Variants in NUFIP1 observed in about 807,000 individuals in gnomAD.
NUFIP1 encodes nuclear FMR1 interacting protein 1, also known as FMR1-interacting protein NUFIP1.
A neutral mutation model predicts 56.2 loss-of-function variants in NUFIP1; 38 were observed. The observed-to-expected ratio is 0.68, with a 90% CI of 0.52 to 0.89. The LOEUF (loss-of-function observed/expected upper bound fraction) is 0.89. NUFIP1 is among the 40% of genes least tolerant of loss of function. NUFIP1 has a pLI of 0.00. For missense variants in NUFIP1, 567 were observed against 605.8 expected (o/e 0.94, Z 0.67); for synonymous variants, 215 against 212.4 (o/e 1.01, Z -0.10).
At chr13:44,967,549 A>T (rs1332842778) in intron 5 of NUFIP1, among the ~76,000 whole-genome samples, 1 of 152,166 alleles carries the variant, frequency 6.6e-6, no homozygotes, top group East Asian at 1.9e-4. Flanking sequence ...GACAATGACA[A>T]GTAGTTAATA....
intron 5 of NUFIP1, among the ~76,000 whole-genome samples, chr13:44,977,475 G>A (rs1340018332): frequency 1.3e-5 from 2 of 152,154 alleles, no homozygotes; most frequent in African/African-American, 4.8e-5. Context: ...GTAATATACT[G>A]ATTTACATTC....
chr13:44,985,503 G>A (rs1273163018), intron 1 of NUFIP1, among the ~76,000 whole-genome samples: 2 of 152,146 alleles, frequency 1.3e-5, no homozygotes, highest in Non-Finnish European at 2.9e-5. Flanking sequence ...CATCAAGCAG[G>A]TCTATCAGCA....
At position 44,943,648 on chromosome 13, in the gene NUFIP1, C is replaced by A; in HGVS notation, c.1165G>T (p.Val389Phe). 1 of 1,613,306 alleles carries A rather than the reference C, an allele frequency of 6.2e-7. No individual in the cohort carries two copies. Residue 389 changes from valine (V) to phenylalanine (F), a missense_variant, in exon 9 of 10, where the codon GTT becomes TTT. Transcript: ENST00000379161. ...EETPIKTEAD[V>F]LAENQVLDSS... ...TCAAGAACCTGGTTTTCTGCCAAAACGTCTGCTTCAGTCTTGATGGGAGTT... is the reference window on the plus strand; with the variant it reads ...TCAAGAACCTGGTTTTCTGCCAAAAAGTCTGCTTCAGTCTTGATGGGAGTT...
rs750091519 is a variant in NUFIP1, at chr13:44,943,545, C to T, written c.1268G>A (p.Arg423Gln). 223 of 1,614,062 alleles carry T rather than the reference C, an allele frequency of 1.4e-4. No individual in the cohort carries two copies. The highest frequency in any genetic ancestry group is 1.8e-4 in the Non-Finnish European group (207 of 1,179,984). ...GTTTGTTTTTTCAAAGCTTTTCTTT[C>T]GGTTCTCACTCTTGGCTTCTGAAAA... ...RNFSEAKSEN[R>Q]KKSFEKTNPK... The change falls in exon 9 of 10, where the codon CGA becomes CAA. Residue 423 changes from arginine (R) to glutamine (Q), a missense_variant. Arg to Gln is a conservative substitution (Grantham distance 43). Coordinates refer to ENST00000379161, the MANE Select transcript of NUFIP1 (RefSeq NM_012345.3).
intron 8 of NUFIP1, 44 bp from the exon 9 acceptor site, chr13:44,943,718 C>CAA: frequency 1.3e-6 from 2 of 1,481,620 alleles, no homozygotes; most frequent in Non-Finnish European, 1.9e-6. Flanking sequence ...CAAAACAAAA[C>CAA]AAAACAGGTA....
intron 5 of NUFIP1, among the ~76,000 whole-genome samples, chr13:44,970,576 A>G (rs1871767146): frequency 1.3e-5 from 2 of 152,222 alleles, no homozygotes; most frequent in African/African-American, 2.4e-5. Flanking sequence ...TGCCACACCA[A>G]TGTGGAACTT....
chr13:44,960,593 A>G (rs1871391533), intron 6 of NUFIP1, among the ~76,000 whole-genome samples: 1 of 152,168 alleles, frequency 6.6e-6, no homozygotes, highest in Non-Finnish European at 1.5e-5. Context: ...AAGGAGTTAA[A>G]GTTTCTGAAG....
At chr13:44,976,344 AAGAAAGG>A (rs1185396554) in intron 5 of NUFIP1, among the ~76,000 whole-genome samples, 1 of 151,522 alleles carries the variant, frequency 6.6e-6, no homozygotes, top group Non-Finnish European at 1.5e-5. Flanking sequence ...GAAGGAGAAG[AAGAAAGG>A]AGAAAGGAGG....
At position 44,989,295 on chromosome 13, in the gene NUFIP1, G is replaced by A. The variant is rs776965585; in HGVS notation, c.142C>T (p.Pro48Ser). The change falls in exon 1 of 10, where the codon CCA (proline) becomes TCA (serine). Residue 48 changes from proline to serine, a missense_variant. By Grantham distance (74) the Pro-to-Ser change is moderately conservative. Transcript: ENST00000379161. The part of the protein sequence containing the change: ...MFWAMLPPPP[P>S]PLTSSLPAAG... Reference sequence around the variant, plus strand: ...GCGGGAAGCGAGGACGTAAGTGGTGGTGGCGGTGGCGGCAGCATTGCCCAG... The same window carrying A: ...GCGGGAAGCGAGGACGTAAGTGGTGATGGCGGTGGCGGCAGCATTGCCCAG... The A allele has an allele frequency of 1.9e-6, 3 of 1,613,456 alleles. No individual in the cohort carries two copies. The highest frequency in any genetic ancestry group is 1.1e-5 in the South Asian group (1 of 90,984).
intron 5 of NUFIP1, among the ~76,000 whole-genome samples, chr13:44,975,476 C>A (rs1345446309): frequency 1.3e-5 from 2 of 152,136 alleles, no homozygotes; most frequent in Admixed American, 1.3e-4. Flanking sequence ...TCTTCAACCT[C>A]ACAATCATTT....
chr13:44,970,255 T>C (rs537482589), intron 5 of NUFIP1, among the ~76,000 whole-genome samples: 5 of 152,160 alleles, frequency 3.3e-5, no homozygotes, highest in Non-Finnish European at 2.9e-5. Flanking sequence ...AGGCTATTAA[T>C]GGAAAGCCTT....
chr13:44,962,498 C>T (rs1445700162), intron 6 of NUFIP1, among the ~76,000 whole-genome samples: 1 of 152,156 alleles, frequency 6.6e-6, no homozygotes, highest in Non-Finnish European at 1.5e-5. Flanking sequence ...AATCATGCAC[C>T]ACATAATGAC....
rs1870672524 is a variant in NUFIP1, at chr13:44,939,912, TA to T, written c.*1293del. The T allele has an allele frequency of 6.6e-6, 1 of 152,156 alleles. No homozygotes were observed. The highest frequency in any genetic ancestry group is 6.5e-5 in the Admixed American group (1 of 15,282). The allele number at this position is 152,156 out of a possible 1,614,324, so 9.4% of individuals were successfully genotyped here. On this transcript the variant is annotated 3_prime_UTR_variant, in exon 10 of 10. Transcript: ENST00000379161. ...ATAAAATGTGTATGCTAACTAGTAA[TA>T]AAAGTACAAACTGTGTTATATTTTA...
intron 6 of NUFIP1, among the ~76,000 whole-genome samples, chr13:44,964,143 A>T (rs1871515385): frequency 6.6e-6 from 1 of 152,226 alleles, no homozygotes; most frequent in Admixed American, 6.5e-5. Flanking sequence ...CTAAAAGAAA[A>T]CATAAAGAAA....
chr13:44,969,684 C>T (rs1486902020), intron 5 of NUFIP1, among the ~76,000 whole-genome samples: 5 of 152,130 alleles, frequency 3.3e-5, no homozygotes. Flanking sequence ...TCCTCATTGC[C>T]TATACCTTAT....
At chr13:44,949,914 T>C in intron 7 of NUFIP1, 76 bp from the exon 8 acceptor site, 1 of 899,072 alleles carries the variant, frequency 1.1e-6, no homozygotes, top group East Asian at 2.4e-5. Flanking sequence ...CCTCATTTGT[T>C]AGTGAAAATT....
In NUFIP1 at chr13:44,967,948, C is replaced by T. The variant is rs192743406; in HGVS notation, c.735-2012G>A. Among the ~76,000 whole-genome samples, 452 of 79,188 alleles carry T rather than the reference C, an allele frequency of 5.7e-3. 2 individuals are homozygous for T. Among genetic ancestry groups the T allele is most frequent in the African/African-American group, 0.021 (400 of 19,062 alleles). 52.0% of individuals were successfully genotyped at this position (79,188 alleles called of 152,430 possible). On this transcript the variant is annotated intron_variant, in intron 5 of 9. Transcript: ENST00000379161. Reference sequence around the variant, plus strand: ...CTGCCATTGCTTCTAGGACACTTCTCTACCTTCTGCCTTTTTTTTTTTAAC... The same window carrying T: ...CTGCCATTGCTTCTAGGACACTTCTTTACCTTCTGCCTTTTTTTTTTTAAC...
intron 8 of NUFIP1, among the ~76,000 whole-genome samples, chr13:44,947,367 T>C (rs898772801): frequency 6.6e-5 from 10 of 151,682 alleles, no homozygotes; most frequent in Non-Finnish European, 1.5e-4. Flanking sequence ...GCCTCCTGTG[T>C]AGCTGGGATT....
At position 44,943,423 on chromosome 13, in the gene NUFIP1, C is replaced by T; in HGVS notation, c.1371+19G>A. The T allele has an allele frequency of 3.7e-6, 6 of 1,601,112 alleles. No homozygotes were observed. The highest frequency in any genetic ancestry group is 5.1e-6 in the Non-Finnish European group (6 of 1,169,344). On this transcript the variant is annotated intron_variant, in intron 9 of 9. Coordinates refer to ENST00000379161, the MANE Select transcript of NUFIP1 (RefSeq NM_012345.3). ...GATGTGAGAACACAAAGATTAGAACCTAAAGAAAAATAATTTACCATTTCC... is the reference window on the plus strand; with the variant it reads ...GATGTGAGAACACAAAGATTAGAACTTAAAGAAAAATAATTTACCATTTCC...
Sources: gnomAD v4.1 joint callset for allele counts (sites outside exome capture counted in the v4.1 genomes callset) on GRCh38, gnomAD v4.1.1 for gene constraint, MANE v1.5 for transcripts, NCBI Gene and HGNC (gene_info 2026-07-23, HGNC 2026-07-21) for gene names.